FHIT: variants seen among roughly 807,000 people sequenced by gnomAD.
The protein encoded by FHIT is fragile histidine triad diadenosine triphosphatase.
FHIT carries 19 observed loss-of-function variants against 17.9 expected under a neutral mutation model. The observed-to-expected ratio is 1.06, with a 90% CI of 0.74 to 1.56. The LOEUF (loss-of-function observed/expected upper bound fraction) is 1.56, where lower values mean the gene tolerates loss of function less well. FHIT is among the 40% of genes most tolerant of loss of function. The probability of loss-of-function intolerance (pLI) is 0.00; values close to 1 mark genes in which losing one functional copy is unlikely to be tolerated. For missense variants in FHIT, 248 were observed against 189.2 expected, an observed-to-expected ratio of 1.31 and a Z score of -1.82; for synonymous variants, 81 against 69.7, an observed-to-expected ratio of 1.16 and a Z score of -0.81.
rs139866714 is a variant in FHIT at position 61,244,673 on chromosome 3, A to G, written c.-213+6628T>C. 2.1e-3 allele frequency among the ~76,000 whole-genome samples: 327 copies of G among 152,286 alleles called. 2 individuals are homozygous for G. The highest frequency in any genetic ancestry group is 7.7e-3 in the African/African-American group (318 of 41,558). On this transcript the variant is annotated intron_variant, in intron 1 of 9. Transcript: ENST00000492590. ...TCCTGTGAAAGGTTTCTCACTTCCC[A>G]TACCTGGAATGAAAGAACATCCTTA...
chr3:60,061,745 C>T lies in FHIT; in HGVS notation c.104-47593G>A, dbSNP rs759799253. Among the ~76,000 whole-genome samples, 4 of 152,074 alleles carry T rather than the reference C, an allele frequency of 2.6e-5. No individual in the cohort carries two copies. In the South Asian group the frequency reaches 6.2e-4, roughly 24 times the overall value. On this transcript the variant is annotated intron_variant, in intron 5 of 9. Coordinates refer to ENST00000492590, the MANE Select transcript of FHIT (RefSeq NM_002012.4). ...ACAAACATTTCACTGTTATTCAGAT[C>T]GGATGCTAGGAAACAAATGACATTT...
intron 5 of FHIT, among the ~76,000 whole-genome samples, chr3:60,309,921 C>A (rs544423773): frequency 1.3e-5 from 2 of 152,204 alleles, no homozygotes; most frequent in South Asian, 4.1e-4. Context: ...TATACTTAAT[C>A]ACACGTGCTT....
At chr3:60,196,506 T>C (rs1330811792) in intron 5 of FHIT, among the ~76,000 whole-genome samples, 3 of 152,072 alleles carry the variant, frequency 2.0e-5, no homozygotes, top group African/African-American at 7.2e-5. Flanking sequence ...ATCCCAAAAT[T>C]TTTAACCTAA....
At chr3:60,861,621 T>C (rs948721403) in intron 3 of FHIT, among the ~76,000 whole-genome samples, 22 of 152,060 alleles carry the variant, frequency 1.4e-4, no homozygotes, top group South Asian at 1.2e-3. Flanking sequence ...GATAGTCTAG[T>C]CTCTCATGTT....
At chr3:59,931,795 G>C (rs1360686624) in intron 7 of FHIT, among the ~76,000 whole-genome samples, 1 of 152,076 alleles carries the variant, frequency 6.6e-6, no homozygotes, top group East Asian at 1.9e-4. Context: ...CTCCAATTGT[G>C]AGTTATAATA....
At chr3:60,136,648 T>C (rs867197569) in intron 5 of FHIT, among the ~76,000 whole-genome samples, 1 of 151,830 alleles carries the variant, frequency 6.6e-6, no homozygotes, top group African/African-American at 2.4e-5. Flanking sequence ...GATGCTTCCT[T>C]ACCTTACCTT....
At chr3:61,184,803 T>C (rs150286330) in intron 2 of FHIT, among the ~76,000 whole-genome samples, 18 of 152,296 alleles carry the variant, frequency 1.2e-4, no homozygotes, top group Non-Finnish European at 2.1e-4. Flanking sequence ...AGGTGGCCTC[T>C]AGACCTCAGA....
intron 3 of FHIT, among the ~76,000 whole-genome samples, chr3:60,850,123 G>C (rs886465706): frequency 5.9e-5 from 9 of 152,056 alleles, no homozygotes; most frequent in African/African-American, 2.2e-4. Flanking sequence ...ATTTGCTTGA[G>C]GGGGCATTTA....
At chr3:60,882,258 C>T (rs1553758112) in intron 3 of FHIT, among the ~76,000 whole-genome samples, 1 of 151,984 alleles carries the variant, frequency 6.6e-6, no homozygotes, top group Non-Finnish European at 1.5e-5. Flanking sequence ...CAAAGAAAAG[C>T]CCAGGACCTG....
At chr3:59,869,260 C>A (rs1477687427) in intron 8 of FHIT, among the ~76,000 whole-genome samples, 1 of 152,114 alleles carries the variant, frequency 6.6e-6, no homozygotes, top group Non-Finnish European at 1.5e-5. Context: ...TAGTTTAGCT[C>A]TTTCTACCAG....
At chr3:60,698,746 T>C (rs1037382783) in intron 4 of FHIT, among the ~76,000 whole-genome samples, 3 of 152,222 alleles carry the variant, frequency 2.0e-5, no homozygotes, top group African/African-American at 7.2e-5. Flanking sequence ...CTTTTTAATT[T>C]TTAAAGCATT....
chr3:60,422,586 C>G (rs241694), intron 5 of FHIT, among the ~76,000 whole-genome samples: 8,147 of 152,110 alleles, frequency 0.054, 342 homozygotes, highest in African/African-American at 0.11. Context: ...TCAAGGGTAA[C>G]TTAAAAAGAC....
intron 5 of FHIT, among the ~76,000 whole-genome samples, chr3:60,400,973 C>A (rs955033470): frequency 6.6e-6 from 1 of 151,936 alleles, no homozygotes; most frequent in Non-Finnish European, 1.5e-5. Context: ...TTCCTTAGTG[C>A]TGCATAGAAA....
intron 8 of FHIT, among the ~76,000 whole-genome samples, chr3:59,922,002 C>T (rs1705428757): frequency 6.6e-6 from 1 of 152,130 alleles, no homozygotes; most frequent in Non-Finnish European, 1.5e-5. Context: ...ATATATCAAT[C>T]TGCTTGATTT....
At chr3:59,956,140 C>T (rs939605308) in intron 7 of FHIT, among the ~76,000 whole-genome samples, 1 of 152,144 alleles carries the variant, frequency 6.6e-6, no homozygotes, top group Admixed American at 6.5e-5. Context: ...AGAGCCAGGG[C>T]CCTCACATGT....
intron 7 of FHIT, among the ~76,000 whole-genome samples, chr3:59,985,335 T>A (rs776213659): frequency 6.6e-6 from 1 of 152,110 alleles, no homozygotes; most frequent in African/African-American, 2.4e-5. Context: ...GGCAGAGTAT[T>A]TGCCAAAACT....
At chr3:60,363,047 T>A (rs192738771) in intron 5 of FHIT, among the ~76,000 whole-genome samples, 127 of 152,310 alleles carry the variant, frequency 8.3e-4, no homozygotes, top group Non-Finnish European at 1.6e-3. Flanking sequence ...ATGTTCATTA[T>A]AGGAGCTGAA....
intron 8 of FHIT, among the ~76,000 whole-genome samples, chr3:59,805,947 C>T (rs1036288059): frequency 6.6e-6 from 1 of 151,938 alleles, no homozygotes; most frequent in Non-Finnish European, 1.5e-5. Flanking sequence ...TTTGAGAGGC[C>T]GAGGCGGGCA....
chr3:61,008,448 T>C (rs375881494), intron 3 of FHIT, among the ~76,000 whole-genome samples: 1 of 151,982 alleles, frequency 6.6e-6, no homozygotes. Context: ...TCTCCCTGCA[T>C]TGGGAGAACA....
Sources: allele counts gnomAD v4.1 joint callset (sites outside exome capture counted in the v4.1 genomes callset), GRCh38; gene constraint gnomAD v4.1.1; transcripts MANE v1.5; gene names NCBI Gene and HGNC (gene_info 2026-07-23, HGNC 2026-07-21).